The following CASP6 variants were observed in gnomAD, a reference collection of about 807,000 sequenced individuals.
The protein encoded by CASP6 is caspase-6.
In CASP6, 20 loss-of-function variants were observed where a neutral mutation model predicts 31.8. That is an observed-to-expected ratio of 0.63 (90% CI 0.44 to 0.91). The LOEUF is 0.91. CASP6 is among the 40% of genes least tolerant of loss of function. CASP6 has a pLI of 0.00. For missense variants in CASP6, 328 were observed against 361.1 expected, an observed-to-expected ratio of 0.91 and a Z score of 0.74; for synonymous variants, 130 against 127.8, an observed-to-expected ratio of 1.02 and a Z score of -0.12.
At chr4:109,697,269 ATTATT>A (rs1161818603) in intron 3 of CASP6, among the ~76,000 whole-genome samples, 1 of 151,668 alleles carries the variant, frequency 6.6e-6, no homozygotes, top group Non-Finnish European at 1.5e-5. Context: ...ATGGAAAAAA[ATTATT>A]TTATTTTTTA....
At chr4:109,669,481 A>T in the CASP6 span, among the ~76,000 whole-genome samples, 2 of 152,110 alleles carry the variant, frequency 1.3e-5, no homozygotes, top group East Asian at 3.9e-4. Context: ...TTTGAAAATG[A>T]TATACGTATG....
At chr4:109,680,246 G>A in the CASP6 span, among the ~76,000 whole-genome samples, 1 of 152,142 alleles carries the variant, frequency 6.6e-6, no homozygotes, top group South Asian at 2.1e-4. Flanking sequence ...CTGTCATAAG[G>A]TATGAGAAGT....
chr4:109,701,609 T>C (rs1036292576), intron 1 of CASP6, among the ~76,000 whole-genome samples: 3 of 152,188 alleles, frequency 2.0e-5, no homozygotes, highest in African/African-American at 7.2e-5. Context: ...TCACTTCTCT[T>C]CCTTTGCAGG....
chr4:109,705,544 C>T (rs914040217), upstream of CASP6, among the ~76,000 whole-genome samples: 1 of 151,952 alleles, frequency 6.6e-6, no homozygotes, highest in Admixed American at 6.6e-5. Context: ...TAGTTCTGAG[C>T]AAAGTAAATT....
chr4:109,706,042 A>T (rs1223846445), upstream of CASP6, among the ~76,000 whole-genome samples: 4 of 120,600 alleles, frequency 3.3e-5, no homozygotes, highest in Non-Finnish European at 5.2e-5. Flanking sequence ...AATATATATA[A>T]AATACATATA....
chr4:109,697,615 C>G lies in CASP6; in HGVS notation c.230+7G>C, dbSNP rs947186936. 1 of 1,599,474 alleles carries G rather than the reference C, an allele frequency of 6.3e-7. No homozygotes were observed. Among genetic ancestry groups the G allele is most frequent in the Admixed American group, 1.8e-5 (1 of 56,334 alleles). On this transcript the variant is annotated splice_region_variant and intron_variant, in intron 3 of 6. Transcript: ENST00000265164. ...GCCTCATCTTGATAGGTAGATAAAA[C>G]TACTACCTGCGGGTAAGATTGTCTC... is the stretch of plus-strand genomic sequence containing the variant.
chr4:109,694,209 T>C (rs1730166812), intron 5 of CASP6, among the ~76,000 whole-genome samples: 1 of 152,194 alleles, frequency 6.6e-6, no homozygotes, highest in South Asian at 2.1e-4. Flanking sequence ...GAGGTTGCCT[T>C]GTGCGGCACT....
chr4:109,691,616 G>C (rs1301097502), intron 5 of CASP6, among the ~76,000 whole-genome samples: 1 of 152,112 alleles, frequency 6.6e-6, no homozygotes, highest in East Asian at 1.9e-4. Flanking sequence ...CTCACTCAGA[G>C]GCTAACATTA....
the CASP6 span, among the ~76,000 whole-genome samples, chr4:109,669,290 G>A: frequency 1.3e-5 from 2 of 152,070 alleles, no homozygotes; most frequent in Middle Eastern, 3.4e-3. Flanking sequence ...ATTTCACAGG[G>A]TACCAAATTT....
At chr4:109,694,770 T>C in intron 4 of CASP6, 70 bp from the exon 5 acceptor site, 4 of 1,350,600 alleles carry the variant, frequency 3.0e-6, no homozygotes, top group African/African-American at 1.5e-5. Context: ...AAAAATTCAG[T>C]TTATTAACAC....
the CASP6 span, among the ~76,000 whole-genome samples, chr4:109,674,920 G>T: frequency 6.6e-6 from 1 of 152,120 alleles, no homozygotes; most frequent in Non-Finnish European, 1.5e-5. Flanking sequence ...TACCTATAAC[G>T]GATTTGATTA....
chr4:109,690,247 A>AAAACACACGCACGC (rs61007363), intron 6 of CASP6, among the ~76,000 whole-genome samples: 1 of 143,398 alleles, frequency 7.0e-6, no homozygotes, highest in Non-Finnish European at 1.5e-5. Context: ...AAAAAAAAAA[A>AAAACACACGCACGC]ACGCACGCAC....
In CASP6 at chr4:109,691,332, C is replaced by T. The variant is rs5030589; in HGVS notation, c.484-323G>A. 1.7e-3 allele frequency among the ~76,000 whole-genome samples: 255 copies of T among 152,292 alleles called. 1 individual carries two copies. Among genetic ancestry groups the T allele is most frequent in the Admixed American group, 0.014 (220 of 15,294 alleles). On this transcript the variant is annotated intron_variant, in intron 5 of 6. Transcript: ENST00000265164. Reference sequence around the variant, plus strand: ...ACAGATTAACCACACCCAGGGCACACGGTGTTACCTTCCCTTTTGAAAGCT... The same window carrying T: ...ACAGATTAACCACACCCAGGGCACATGGTGTTACCTTCCCTTTTGAAAGCT...
chr4:109,674,254 C>G, the CASP6 span: 1 of 666,924 alleles, frequency 1.5e-6, no homozygotes, highest in Non-Finnish European at 2.7e-6. Context: ...TGAATACTGG[C>G]TTCCTTTCTT....
the CASP6 span, among the ~76,000 whole-genome samples, chr4:109,669,821 C>T: frequency 7.2e-5 from 11 of 151,992 alleles, no homozygotes; most frequent in African/African-American, 2.7e-4. Context: ...CCATTAAAGG[C>T]CTTCTTCCTT....
At chr4:109,668,255 G>A in the CASP6 span, among the ~76,000 whole-genome samples, 1 of 152,058 alleles carries the variant, frequency 6.6e-6, no homozygotes, top group African/African-American at 2.4e-5. Flanking sequence ...CTGTAAACAT[G>A]AATTCATCTA....
chr4:109,705,642 G>A (rs371667189), upstream of CASP6, among the ~76,000 whole-genome samples: 4 of 152,034 alleles, frequency 2.6e-5, no homozygotes, highest in African/African-American at 4.8e-5. Context: ...CTTACGGTAT[G>A]TAACTAGAGA....
chr4:109,700,593 A>T (rs763417503), intron 1 of CASP6, among the ~76,000 whole-genome samples: 88 of 151,420 alleles, frequency 5.8e-4, no homozygotes, highest in Non-Finnish European at 1.2e-3. Flanking sequence ...TTTTTTTTTT[A>T]AGTTTTTTGT....
downstream of CASP6, chr4:109,687,451 A>C (rs1472915641): frequency 2.7e-6 from 3 of 1,118,842 alleles, no homozygotes; most frequent in Non-Finnish European, 4.1e-6. Flanking sequence ...AATTCCTCTC[A>C]AGCAGTAATG....
Sources: allele counts gnomAD v4.1 joint callset (sites outside exome capture counted in the v4.1 genomes callset), GRCh38; gene constraint gnomAD v4.1.1; transcripts MANE v1.5; gene names NCBI Gene and HGNC (gene_info 2026-07-23, HGNC 2026-07-21).